Variants in CUBN observed in about 807,000 individuals in gnomAD.
The protein encoded by CUBN is cubilin, also known as 460 kDa receptor.
A neutral mutation model predicts 405.3 loss-of-function variants in CUBN; 282 were observed. The observed-to-expected ratio is 0.70, with a 90% CI of 0.63 to 0.77. CUBN has a LOEUF of 0.77. Among genes scored for constraint, CUBN ranks in the 30% least tolerant of loss-of-function variants. CUBN has a pLI of 0.00. For missense variants in CUBN, 4,514 were observed against 4,475.2 expected (o/e 1.01, Z -0.25); for synonymous variants, 1,684 against 1,617.0 (o/e 1.04, Z -0.99).
At chr10:16,926,484 GAAGGACAGGAGCAGAGTGTCCAAT>G (rs979636982) in intron 41 of CUBN, among the ~76,000 whole-genome samples, 5 of 152,122 alleles carry the variant, frequency 3.3e-5, no homozygotes, top group African/African-American at 1.2e-4. Flanking sequence ...GGAGGACAGG[GAAGGACAGGAGCAGAGTGTCCAAT>G]AAGGAGGGGA....
intron 45 of CUBN, 83 bp downstream of exon 45, chr10:16,918,539 A>C: frequency 9.6e-7 from 1 of 1,042,766 alleles, no homozygotes. Context: ...TCTACAACAA[A>C]CCCCCAAACA....
intron 32 of CUBN, among the ~76,000 whole-genome samples, chr10:16,953,484 G>A (rs4747290): frequency 0.68 from 103,957 of 151,954 alleles, 36,187 homozygotes; most frequent in African/African-American, 0.82. Context: ...AATGTTCTGA[G>A]TCATCTGAAT....
intron 64 of CUBN, among the ~76,000 whole-genome samples, chr10:16,832,348 G>T (rs1266232643): frequency 3.3e-5 from 5 of 152,206 alleles, no homozygotes; most frequent in Non-Finnish European, 7.3e-5. Flanking sequence ...TTGGTTAATT[G>T]CTGGTATCTT....
intron 63 of CUBN, 21 bp downstream of exon 63, chr10:16,836,214 A>T: frequency 6.2e-7 from 1 of 1,607,192 alleles, no homozygotes; most frequent in Non-Finnish European, 8.5e-7. Context: ...TTTGAATAAA[A>T]GATGAAGTTC....
At position 16,901,359 on chromosome 10, in the gene CUBN, G is replaced by A; in HGVS notation, c.8163C>T (p.Ala2721=). 6.2e-7 allele frequency: 1 copy of A among 1,614,106 alleles called. No homozygotes were observed. The highest frequency in any genetic ancestry group is 1.1e-5 in the South Asian group (1 of 91,084). ...SLTHCSSLLE[A]PQGHTITLTF... is the part of the protein sequence containing the mutation. ...TCACAGTGATGGTGTGCCCTTGTGG[G>A]GCCTCCAACAGCGAAGAGCAGTGGG... The change falls in exon 52 of 67, where the codon GCC becomes GCT. Residue 2721 remains alanine, a synonymous_variant. Transcript: ENST00000377833.
intron 7 of CUBN, among the ~76,000 whole-genome samples, chr10:17,115,042 G>C (rs1358501730): frequency 6.6e-6 from 1 of 151,912 alleles, no homozygotes; most frequent in Non-Finnish European, 1.5e-5. Flanking sequence ...TCAGGAGTTC[G>C]AGATCATCCT....
Position 16,828,846 on chromosome 10 carries a change from G to A in CUBN, c.10723C>T (p.Pro3575Ser), listed in dbSNP as rs1256907423. Reference protein sequence around the residue: ...VQNYLTLYDGPNASSPSSGPY... With the variant: ...VQNYLTLYDGSNASSPSSGPY... Reference sequence around the variant, plus strand: ...CCAGAGGATGGAGAGCTGGCGTTGGGCCCATCATAGAGTGTGAGATAGTTC... The same window carrying A: ...CCAGAGGATGGAGAGCTGGCGTTGGACCCATCATAGAGTGTGAGATAGTTC... Residue 3575 changes from proline to serine, a missense_variant, in exon 66 of 67, where the codon CCC (proline) becomes TCC (serine). Pro to Ser is a moderately conservative substitution (Grantham distance 74). This residue lies in a region of CUBN where 1,186 missense variants were observed against 1,186.9 expected (regional missense o/e 1.00). Coordinates refer to ENST00000377833, the MANE Select transcript of CUBN (RefSeq NM_001081.4). The A allele has an allele frequency of 6.8e-6, 11 of 1,614,122 alleles. No individual in the cohort carries two copies. Among genetic ancestry groups the A allele is most frequent in the Non-Finnish European group, 9.3e-6 (11 of 1,179,968 alleles).
rs1554794675 is a variant in CUBN at position 16,926,809 on chromosome 10, T to TTCTATCTGTCTA, written c.6272-1036_6272-1035insTAGACAGATAGA. On this transcript the variant is annotated intron_variant, in intron 41 of 66. Transcript: ENST00000377833. Reference sequence around the variant, plus strand: ...CAACTTTCAAAGGTGAAATTTTTTTTTCTATCTATCTATCTATCTATCTAT... The same window carrying TTCTATCTGTCTA: ...CAACTTTCAAAGGTGAAATTTTTTTTTCTATCTGTCTATCTATCTATCTATCTATCTATCTAT... Among the ~76,000 whole-genome samples the TTCTATCTGTCTA allele has an allele frequency of 4.3e-4, 18 of 41,702 alleles. 4 individuals carry two copies. The highest frequency in any genetic ancestry group is 1.0e-3 in the Admixed American group (3 of 2,952). The allele number at this position is 41,702 out of a possible 152,430, so 27.4% of individuals were successfully genotyped here. A position where few individuals can be genotyped will look rare whatever the true frequency, so the allele number is the denominator to read the frequency against.
At chr10:16,944,536 C>G (rs559525394) in intron 36 of CUBN, among the ~76,000 whole-genome samples, 53 of 152,266 alleles carry the variant, frequency 3.5e-4, no homozygotes, top group African/African-American at 1.3e-3. Context: ...GTAATGTTTC[C>G]AAGCATCCAT....
intron 14 of CUBN, among the ~76,000 whole-genome samples, chr10:17,098,589 G>A (rs1231870967): frequency 6.6e-6 from 1 of 151,974 alleles, no homozygotes; most frequent in Non-Finnish European, 1.5e-5. Context: ...ATAAGTCAAG[G>A]AAAAGAAATA....
At chr10:17,081,628 GAAC>G (rs971899787) in intron 17 of CUBN, among the ~76,000 whole-genome samples, 7 of 152,074 alleles carry the variant, frequency 4.6e-5, no homozygotes, top group Non-Finnish European at 8.8e-5. Context: ...ACTATCTGAA[GAAC>G]AACAAGAGAA....
chr10:16,926,729 T>C (rs1842198499), intron 41 of CUBN, among the ~76,000 whole-genome samples: 1 of 152,096 alleles, frequency 6.6e-6, no homozygotes, highest in Non-Finnish European at 1.5e-5. Flanking sequence ...GCTGAGATTA[T>C]GAGGAGTGTA....
intron 17 of CUBN, among the ~76,000 whole-genome samples, chr10:17,079,137 T>C: frequency 6.6e-6 from 1 of 151,982 alleles, no homozygotes; most frequent in Non-Finnish European, 1.5e-5. Flanking sequence ...CCAGCAGTTG[T>C]GGAAAAACTG....
At chr10:17,088,944 C>T (rs1451059607) in intron 14 of CUBN, among the ~76,000 whole-genome samples, 2 of 152,144 alleles carry the variant, frequency 1.3e-5, no homozygotes, top group Non-Finnish European at 2.9e-5. Flanking sequence ...CTCATTATAC[C>T]ACATCGGCCC....
At chr10:17,093,483 A>G (rs1836308998) in intron 14 of CUBN, among the ~76,000 whole-genome samples, 1 of 152,170 alleles carries the variant, frequency 6.6e-6, no homozygotes, top group African/African-American at 2.4e-5. Context: ...ACCAGGATTC[A>G]TGGAAAATTT....
chr10:17,085,628 T>A lies in CUBN; in HGVS notation c.2079A>T (p.Gln693His), dbSNP rs1251775592. The A allele has an allele frequency of 6.2e-7, 1 of 1,614,140 alleles. No homozygotes were observed. Among genetic ancestry groups the A allele is most frequent in the South Asian group, 1.1e-5 (1 of 91,082 alleles). ...ATGTTAAGTAGGTGATATGGAAGCC[T>A]TGGTCACTAATCTGGGAGTCTGAAT... Reference protein sequence around the residue: ...HFHSDSQISDQGFHITYLTSP... With the variant: ...HFHSDSQISDHGFHITYLTSP... Residue 693 changes from glutamine (Q) to histidine (H), a missense_variant, in exon 16 of 67, where the codon CAA (glutamine) becomes CAT (histidine). Physicochemically the swap from Gln to His is conservative, Grantham distance 24 (BLOSUM62 0). Around this residue, in one of 5 missense-constraint regions of CUBN, gnomAD observed 1,448 missense variants for 1,388.0 expected, o/e 1.04. Coordinates refer to ENST00000377833, the MANE Select transcript of CUBN (RefSeq NM_001081.4).
At chr10:16,955,926 C>CA (rs1273148363) in intron 31 of CUBN, among the ~76,000 whole-genome samples, 3 of 152,096 alleles carry the variant, frequency 2.0e-5, no homozygotes, top group African/African-American at 7.2e-5. Flanking sequence ...ATCAACCTGC[C>CA]AACCATTAGA....
At chr10:16,955,178 C>T (rs1843019271) in intron 31 of CUBN, among the ~76,000 whole-genome samples, 2 of 146,820 alleles carry the variant, frequency 1.4e-5, no homozygotes, top group African/African-American at 5.0e-5. Context: ...CAAGACCAGC[C>T]TGGCCAACAT....
intron 31 of CUBN, among the ~76,000 whole-genome samples, chr10:16,978,357 A>G (rs541335626): frequency 1.1e-3 from 175 of 152,342 alleles, no homozygotes; most frequent in African/African-American, 4.1e-3. Flanking sequence ...ACCATTGGCT[A>G]CTTTTAGAAA....
Sources: allele counts gnomAD v4.1 joint callset (sites outside exome capture counted in the v4.1 genomes callset), GRCh38; gene constraint gnomAD v4.1.1; regional missense constraint gnomAD v4.1.1; transcripts MANE v1.5; gene names NCBI Gene and HGNC (gene_info 2026-07-23, HGNC 2026-07-21).